Variants in NRBP1 observed in about 807,000 individuals in gnomAD.
NRBP1 encodes nuclear receptor-binding protein.
A neutral mutation model predicts 76.0 loss-of-function variants in NRBP1; 10 were observed. The observed-to-expected ratio is 0.13, with a 90% CI of 0.08 to 0.22. The LOEUF (loss-of-function observed/expected upper bound fraction) is 0.22, where lower values mean the gene tolerates loss of function less well. Among genes scored for constraint, NRBP1 ranks in the 10% least tolerant of loss-of-function variants. NRBP1 has a pLI of 1.00. For synonymous variants in NRBP1, 235 were observed against 240.2 expected (o/e 0.98, Z 0.20); for missense variants, 344 against 646.0 (o/e 0.53, Z 5.07).
At position 27,440,855 on chromosome 2, in the gene NRBP1, C is replaced by G; in HGVS notation, c.1244C>G (p.Pro415Arg). 1.9e-6 allele frequency: 3 copies of G among 1,614,052 alleles called. No homozygotes were observed. Among genetic ancestry groups the G allele is most frequent in the Non-Finnish European group, 2.5e-6 (3 of 1,180,030 alleles). Residue 415 changes from proline to arginine, a missense_variant, in exon 14 of 18, where the codon CCA (proline) becomes CGA (arginine). Coordinates refer to ENST00000379852, the MANE Select transcript of NRBP1 (RefSeq NM_013392.4). Reference protein sequence around the residue: ...TAFGLPRPQQPQQEEVTSPVV... With the variant: ...TAFGLPRPQQRQQEEVTSPVV... ...TTTGGGCTGCCTCGGCCCCAGCAGC[C>G]ACAGCAGGAGGAGGTGACATCACCT...
intron 1 of NRBP1, chr2:27,431,632 A>G (rs1268903016): frequency 6.6e-6 from 1 of 152,244 alleles, no homozygotes; most frequent in Non-Finnish European, 1.5e-5. Context: ...ACTGCCAGTC[A>G]TGTGCCCCAA....
chr2:27,434,442 G>A (rs113950313), intron 4 of NRBP1, 29 bp from the exon 5 acceptor site: 1 of 1,431,190 alleles, frequency 7.0e-7, no homozygotes, highest in Non-Finnish European at 9.8e-7. Flanking sequence ...CTACTATAAG[G>A]CCTTTTAGTA....
rs781321441 is a variant in NRBP1, at chr2:27,439,885, T to C, written c.1023T>C (p.Ile341=). The C allele has an allele frequency of 1.2e-6, 2 of 1,613,894 alleles. No homozygotes were observed. The highest frequency in any genetic ancestry group is 1.7e-6 in the Non-Finnish European group (2 of 1,179,914). ...TCAAACTCCTTGCGGCCCACTGCAT[T>C]GTGGGACACCAACGTGAGTCGTCTT... The part of the protein sequence containing the change: ...PSLKLLAAHC[I]VGHQHMIPEN... The change falls in exon 11 of 18, where the codon ATT becomes ATC. Residue 341 remains isoleucine (I), a synonymous_variant. Coordinates refer to ENST00000379852, the MANE Select transcript of NRBP1 (RefSeq NM_013392.4).
At position 27,440,475 on chromosome 2, in the gene NRBP1, C is replaced by G. The variant is rs1393243890; in HGVS notation, c.1109C>G (p.Pro370Arg). ...MDTSAVLAEIPAGPGREPVQT... is the reference protein window; with the variant it reads ...MDTSAVLAEIRAGPGREPVQT... ...ACTAGTGCCGTACTGGCTGAAATCC[C>G]TGCAGGACCAGGAAGAGAACCAGTT... is the stretch of plus-strand genomic sequence containing the variant. Residue 370 changes from proline to arginine, a missense_variant, in exon 12 of 18, where the codon CCT becomes CGT. Pro to Arg is a moderately radical substitution (Grantham distance 103). Transcript: ENST00000379852. 6.2e-7 allele frequency: 1 copy of G among 1,614,134 alleles called. No homozygotes were observed. The highest frequency in any genetic ancestry group is 1.1e-5 in the South Asian group (1 of 91,086).
intron 7 of NRBP1, 78 bp from the exon 8 acceptor site, chr2:27,436,675 G>A (rs775702015): frequency 2.4e-6 from 3 of 1,241,144 alleles, no homozygotes; most frequent in Middle Eastern, 1.9e-4. Flanking sequence ...AGAGAATTTG[G>A]CTTTTGGGGC....
rs1401865529 is a variant in NRBP1 at position 27,440,173 on chromosome 2, G to A, written c.1037-230G>A. On this transcript the variant is annotated intron_variant, in intron 11 of 17. Coordinates refer to ENST00000379852, the MANE Select transcript of NRBP1 (RefSeq NM_013392.4). ...ATTACAGGCATGTGCCACCATGCCTGGGTAATTTTTGTACTTTTAGTAGAG... is the reference window on the plus strand; with the variant it reads ...ATTACAGGCATGTGCCACCATGCCTAGGTAATTTTTGTACTTTTAGTAGAG... The A allele has an allele frequency of 1.2e-5, 7 of 564,738 alleles. No individual in the cohort carries two copies. In the East Asian group the frequency reaches 1.9e-4, roughly 15 times the overall value. 35.0% of individuals were successfully genotyped at this position (564,738 alleles called of 1,614,324 possible).
rs749440672 is a variant in NRBP1 at position 27,433,279 on chromosome 2, G to A, written c.6G>A (p.Ser2=). The change falls in exon 2 of 18, where the codon TCG becomes TCA. Residue 2 remains serine (S), a synonymous_variant. Coordinates refer to ENST00000379852, the MANE Select transcript of NRBP1 (RefSeq NM_013392.4). M[S]EGESQTVLSS... is the part of the protein sequence containing the mutation. Reference sequence around the variant, plus strand: ...GCCTGAGTGTTCCTTCCAGCATGTCGGAGGGGGAGTCCCAGACAGTACTTA... The same window carrying A: ...GCCTGAGTGTTCCTTCCAGCATGTCAGAGGGGGAGTCCCAGACAGTACTTA... 22 of 1,613,478 alleles carry A rather than the reference G, an allele frequency of 1.4e-5. No individual in the cohort carries two copies. The East Asian group carries it at 1.6e-4, about 11-fold the overall frequency.
In NRBP1 at chr2:27,434,008, T is replaced by G; in HGVS notation, c.353T>G (p.Phe118Cys). The G allele has an allele frequency of 6.2e-7, 1 of 1,614,152 alleles. No homozygotes were observed. The highest frequency in any genetic ancestry group is 8.5e-7 in the Non-Finnish European group (1 of 1,179,982). The change falls in exon 4 of 18, where the codon TTT becomes TGT. Residue 118 changes from phenylalanine to cysteine, a missense_variant. Physicochemically the swap from Phe to Cys is radical, Grantham distance 205. Transcript: ENST00000379852. ...TTTCAGGAAAAGGTTCGTGCTGTGT[T>G]TGATAATCTGATTCAATTGGAGCAT... is the stretch of plus-strand genomic sequence containing the variant. ...KLQEEKVRAV[F>C]DNLIQLEHLN...
chr2:27,433,647 T>G, intron 2 of NRBP1, 26 bp from the exon 3 acceptor site: 1 of 1,613,910 alleles, frequency 6.2e-7, no homozygotes, highest in Non-Finnish European at 8.5e-7. Context: ...TAAGTTTAAT[T>G]CTCTTTCATA....
intron 1 of NRBP1, among the ~76,000 whole-genome samples, chr2:27,431,064 G>T (rs1034228851): frequency 3.3e-5 from 5 of 152,206 alleles, no homozygotes; most frequent in Non-Finnish European, 7.3e-5. Flanking sequence ...ACTTTGGGAG[G>T]CTGAGGCGGG....
intron 7 of NRBP1, chr2:27,436,549 G>A (rs1022248651): frequency 2.8e-5 from 16 of 565,962 alleles, no homozygotes; most frequent in African/African-American, 7.5e-5. Context: ...CATTAGATGA[G>A]AAGCAGTAGG....
intron 7 of NRBP1, 145 bp from the exon 8 acceptor site, chr2:27,436,608 G>A: frequency 1.5e-6 from 1 of 668,898 alleles, no homozygotes. Context: ...TGTAGTTCAG[G>A]ACAGGAAAGG....
chr2:27,433,815 T>TG lies in NRBP1; in HGVS notation c.333+21dup. 6.2e-7 allele frequency: 1 copy of TG among 1,613,982 alleles called. No individual in the cohort carries two copies. Among genetic ancestry groups the TG allele is most frequent in the Non-Finnish European group, 8.5e-7 (1 of 1,179,960 alleles). ...CAGGAGGTAGGTGATGCTGAAAAGG[T>TG]GAAGCCTGGGGAATGTTGGAACACT... is the stretch of plus-strand genomic sequence containing the variant. On this transcript the variant is annotated intron_variant, in intron 3 of 17. Coordinates refer to ENST00000379852, the MANE Select transcript of NRBP1 (RefSeq NM_013392.4).
At chr2:27,435,529 C>A in intron 7 of NRBP1, 1 of 634,186 alleles carries the variant, frequency 1.6e-6, no homozygotes, top group South Asian at 1.8e-5. Context: ...CCAGACCCTG[C>A]CAGAGGAGGT....
Position 27,440,893 on chromosome 2 carries a change from T to C in NRBP1, c.1282T>C (p.Ser428Pro), listed in dbSNP as rs763804268. The change falls in exon 14 of 18, where the codon TCT becomes CCT. Residue 428 changes from serine (S) to proline (P), a missense_variant. Physicochemically the swap from Ser to Pro is moderately conservative, Grantham distance 74. This residue lies in a region of NRBP1 where 218 missense variants were observed against 309.8 expected (regional missense o/e 0.70). Transcript: ENST00000379852. ...GGTGACATCACCTGTCGTGCCCCCC[T>C]CTGTCAAGACTCCGACACCTGAACC... ...EEVTSPVVPP[S>P]VKTPTPEPAE... 6.2e-7 allele frequency: 1 copy of C among 1,613,946 alleles called. No homozygotes were observed. The highest frequency in any genetic ancestry group is 8.5e-7 in the Non-Finnish European group (1 of 1,180,014).
intron 10 of NRBP1, 40 bp downstream of exon 10, chr2:27,437,400 CAAA>C: frequency 6.9e-7 from 1 of 1,448,670 alleles, no homozygotes; most frequent in Non-Finnish European, 9.7e-7. Flanking sequence ...AACTGACCTT[CAAA>C]TGTCTTCTGG....
At chr2:27,431,450 TTTTG>T (rs1175752903) in intron 1 of NRBP1, among the ~76,000 whole-genome samples, 1 of 152,226 alleles carries the variant, frequency 6.6e-6, no homozygotes, top group Non-Finnish European at 1.5e-5. Flanking sequence ...TGGGCATTTA[TTTTG>T]TTTGTTATTG....
chr2:27,437,868 G>A (rs1458721194), intron 10 of NRBP1, among the ~76,000 whole-genome samples: 2 of 143,490 alleles, frequency 1.4e-5, no homozygotes, highest in African/African-American at 5.2e-5. Context: ...GGTAGACTCC[G>A]TCTCAGAAAA....
chr2:27,431,076 G>A (rs1664095064), intron 1 of NRBP1, among the ~76,000 whole-genome samples: 1 of 152,144 alleles, frequency 6.6e-6, no homozygotes, highest in Non-Finnish European at 1.5e-5. Flanking sequence ...TGAGGCGGGC[G>A]GATCATGAAG....
Sources: allele counts gnomAD v4.1 joint callset (sites outside exome capture counted in the v4.1 genomes callset), GRCh38; gene constraint gnomAD v4.1.1; regional missense constraint gnomAD v4.1.1; transcripts MANE v1.5; gene names NCBI Gene and HGNC (gene_info 2026-07-23, HGNC 2026-07-21).